PTPRB: variants seen among roughly 807,000 people sequenced by gnomAD.
PTPRB encodes receptor-type tyrosine-protein phosphatase beta.
PTPRB carries 97 observed loss-of-function variants against 238.1 expected under a neutral mutation model. That is an observed-to-expected ratio of 0.41 (90% confidence interval 0.35 to 0.48). The LOEUF is 0.48. Ranked by LOEUF, PTPRB falls within the 20% of genes least tolerant of loss-of-function variation. The pLI is 0.30. For missense variants in PTPRB, 2,292 were observed against 2,681.9 expected (o/e 0.85, Z 3.21); for synonymous variants, 970 against 995.4 (o/e 0.97, Z 0.48).
chr12:70,573,500 CTTTTCTTTT>C (rs1880331239), intron 11 of PTPRB, among the ~76,000 whole-genome samples: 1 of 121,974 alleles, frequency 8.2e-6, no homozygotes, highest in Non-Finnish European at 1.7e-5. Flanking sequence ...TTTTTCTTTT[CTTTTCTTTT>C]TTTTTTTTTT....
At chr12:70,622,778 A>G in intron 2 of PTPRB, 132 bp from the exon 3 acceptor site, 1 of 1,072,010 alleles carries the variant, frequency 9.3e-7, no homozygotes, top group Non-Finnish European at 1.3e-6. Flanking sequence ...TTATATGAAA[A>G]AGCAAATATA....
At chr12:70,558,870 T>C in intron 18 of PTPRB, 1 of 172,156 alleles carries the variant, frequency 5.8e-6, no homozygotes, top group Non-Finnish European at 1.2e-5. Context: ...CTTCTTTCTG[T>C]TCCCCTATTG....
chr12:70,531,922 C>G, intron 32 of PTPRB, 113 bp downstream of exon 32: 1 of 1,240,444 alleles, frequency 8.1e-7, no homozygotes, highest in Non-Finnish European at 1.1e-6. Context: ...CTTTTTTTCT[C>G]TTCCTAATGT....
chr12:70,551,910 G>A (rs1196790010), intron 21 of PTPRB, among the ~76,000 whole-genome samples: 5 of 152,110 alleles, frequency 3.3e-5, no homozygotes, highest in Middle Eastern at 3.2e-3. Context: ...GTTTCCTGGA[G>A]CCAAAGCCAG....
intron 21 of PTPRB, among the ~76,000 whole-genome samples, chr12:70,545,830 G>A (rs188191591): frequency 6.6e-6 from 1 of 152,214 alleles, no homozygotes; most frequent in Non-Finnish European, 1.5e-5. Flanking sequence ...AGAACAGTGG[G>A]ATCATTGATA....
At chr12:70,608,079 T>A (rs1280866824) in intron 4 of PTPRB, among the ~76,000 whole-genome samples, 1 of 152,302 alleles carries the variant, frequency 6.6e-6, no homozygotes, top group Middle Eastern at 3.4e-3. Flanking sequence ...TTCTCACACC[T>A]CTTTGAAGAA....
At position 70,581,058 on chromosome 12, in the gene PTPRB, T is replaced by C. The variant is rs758452730; in HGVS notation, c.2556A>G (p.Gln852=). The change falls in exon 10 of 34, where the codon CAA becomes CAG. Residue 852 remains glutamine (Q), a synonymous_variant. Coordinates refer to ENST00000334414, the MANE Select transcript of PTPRB (RefSeq NM_001109754.4). Reference sequence around the variant, plus strand: ...TACCTGTTCTTCCCTCCACAACCACTTGTCGGGAAGAGATCCCTCCACTCA... The same window carrying C: ...TACCTGTTCTTCCCTCCACAACCACCTGTCGGGAAGAGATCCCTCCACTCA... The part of the protein sequence containing the change: ...TTVSGGISSR[Q]VVVEGRTVPS... 1 of 1,613,938 alleles carries C rather than the reference T, an allele frequency of 6.2e-7. No individual in the cohort carries two copies. The highest frequency in any genetic ancestry group is 2.2e-5 in the East Asian group (1 of 44,884).
intron 4 of PTPRB, among the ~76,000 whole-genome samples, chr12:70,606,622 G>A (rs1883967828): frequency 6.6e-6 from 1 of 152,160 alleles, no homozygotes; most frequent in Non-Finnish European, 1.5e-5. Context: ...GTTTGTCTGA[G>A]TTTGAATATT....
In PTPRB at chr12:70,622,563, C is replaced by G. The variant is rs1416769084; in HGVS notation, c.535G>C (p.Asp179His). The change falls in exon 3 of 34, where the codon GAT (aspartate) becomes CAT (histidine). Residue 179 changes from aspartate (D) to histidine (H), a missense_variant. This residue lies in a region of PTPRB where 1,205 missense variants were observed against 1,287.8 expected (regional missense o/e 0.94). Transcript: ENST00000334414. ...QILTTFNAVP[D>H]GLVFLIRNTT... ...TTCCTAATAAGGAATACCAGGCCAT[C>G]TGGAACTGCATTAAAGGTAGTGAGA... is the stretch of plus-strand genomic sequence containing the variant. The G allele has an allele frequency of 6.2e-7, 1 of 1,602,336 alleles. No homozygotes were observed.
Position 70,539,857 on chromosome 12 carries a change from G to A in PTPRB, c.5679-13C>T. The A allele has an allele frequency of 6.3e-7, 1 of 1,576,496 alleles. No individual in the cohort carries two copies. The highest frequency in any genetic ancestry group is 1.1e-5 in the South Asian group (1 of 90,326). The stretch of plus-strand genomic sequence containing the variant: ...AGTTTTCCGGTTACTGTGAAGAGAA[G>A]CCAAAAGAGGAAGACTTTGTTAGCA... On this transcript the variant is annotated splice_polypyrimidine_tract_variant and intron_variant, in intron 24 of 33. Transcript: ENST00000334414.
Position 70,521,455 on chromosome 12 carries a change from A to G in PTPRB, c.*34T>C. ...TTTTTAAAAACAAATCACACAGTGAATAATTTTTATCCAGGAGCTCTTCAG... is the reference window on the plus strand; with the variant it reads ...TTTTTAAAAACAAATCACACAGTGAGTAATTTTTATCCAGGAGCTCTTCAG... On this transcript the variant is annotated 3_prime_UTR_variant, in exon 34 of 34. Transcript: ENST00000334414. 1.3e-6 allele frequency: 2 copies of G among 1,515,592 alleles called. No homozygotes were observed. The highest frequency in any genetic ancestry group is 1.8e-6 in the Non-Finnish European group (2 of 1,129,132). 93.9% of individuals were successfully genotyped at this position (1,515,592 alleles called of 1,614,324 possible).
rs745923767 is a variant in PTPRB at position 70,594,610 on chromosome 12, C to A, written c.1373G>T (p.Gly458Val). The change falls in exon 6 of 34, where the codon GGG (glycine) becomes GTG (valine). Residue 458 changes from glycine to valine, a missense_variant. Around this residue, in one of 4 missense-constraint regions of PTPRB, gnomAD observed 1,205 missense variants for 1,287.8 expected, o/e 0.94. Transcript: ENST00000334414. ...CACAACACCGCCATGAACTAGGATC[C>A]CTTTATCCATTAGCATCAGCCGGTA... ...ERYRLMLMDKGILVHGGVVDK... is the reference protein window; with the variant it reads ...ERYRLMLMDKVILVHGGVVDK... The A allele has an allele frequency of 8.6e-5, 138 of 1,613,998 alleles. No homozygotes were observed. Among genetic ancestry groups the A allele is most frequent in the East Asian group, 4.7e-4 (21 of 44,872 alleles).
chr12:70,608,773 C>A, intron 4 of PTPRB: 1 of 377,154 alleles, frequency 2.7e-6, no homozygotes, highest in Non-Finnish European at 4.7e-6. Context: ...TAAACCACAT[C>A]ACTTTAAAAA....
chr12:70,576,607 C>A lies in PTPRB; in HGVS notation c.2617G>T (p.Gly873Cys). The A allele has an allele frequency of 1.3e-6, 2 of 1,523,086 alleles. No homozygotes were observed. Among genetic ancestry groups the A allele is most frequent in the Non-Finnish European group, 8.8e-7 (1 of 1,136,704 alleles). The allele number at this position is 1,523,086 out of a possible 1,614,324, so 94.3% of individuals were successfully genotyped here. Residue 873 changes from glycine (G) to cysteine (C), a missense_variant, in exon 11 of 34, where the codon GGT becomes TGT. Gly to Cys is a radical substitution (Grantham distance 159, BLOSUM62 -3). Coordinates refer to ENST00000334414, the MANE Select transcript of PTPRB (RefSeq NM_001109754.4). Reference sequence around the variant, plus strand: ...GAAACGCTGAGGTAGTCATTACGACCGGAATTGTTCACCGTTACTCCACTC... The same window carrying A: ...GAAACGCTGAGGTAGTCATTACGACAGGAATTGTTCACCGTTACTCCACTC... ...SVSGVTVNNS[G>C]RNDYLSVSWL... is the part of the protein sequence containing the mutation.
intron 31 of PTPRB, among the ~76,000 whole-genome samples, chr12:70,534,023 T>G (rs180802541): frequency 1.3e-5 from 2 of 152,256 alleles, no homozygotes; most frequent in Admixed American, 1.3e-4. Flanking sequence ...AAATAAATCT[T>G]GAAGGATAGG....
At position 70,571,233 on chromosome 12, in the gene PTPRB, C is replaced by T. The variant is rs968467237; in HGVS notation, c.3163G>A (p.Val1055Met). 9 of 1,612,098 alleles carry T rather than the reference C, an allele frequency of 5.6e-6. No individual in the cohort carries two copies. Among genetic ancestry groups the T allele is most frequent in the Non-Finnish European group, 6.8e-6 (8 of 1,178,284 alleles). The change falls in exon 13 of 34, where the codon GTG becomes ATG. Residue 1055 changes from valine (V) to methionine (M), a missense_variant. By Grantham distance (21) the Val-to-Met change is conservative. Coordinates refer to ENST00000334414, the MANE Select transcript of PTPRB (RefSeq NM_001109754.4). ...TCCCCATTAGCTCCTGACCAAGTCA[C>T]ATGCAAGTCCTCAGTGCTCCTGTTG... Reference protein sequence around the residue: ...LRNRSTEDLHVTWSGANGDVD... With the variant: ...LRNRSTEDLHMTWSGANGDVD...
At chr12:70,552,749 C>A in intron 21 of PTPRB, 28 bp downstream of exon 21, 1 of 1,611,880 alleles carries the variant, frequency 6.2e-7, no homozygotes, top group Non-Finnish European at 8.5e-7. Flanking sequence ...CATGTCCCTT[C>A]TAGCAAAACA....
intron 21 of PTPRB, among the ~76,000 whole-genome samples, chr12:70,546,924 A>G (rs1410827210): frequency 1.3e-5 from 2 of 152,118 alleles, no homozygotes; most frequent in South Asian, 2.1e-4. Flanking sequence ...CTCTAATTGA[A>G]CTGATGGAGT....
At chr12:70,596,532 A>C (rs1212929942) in intron 4 of PTPRB, among the ~76,000 whole-genome samples, 3 of 151,442 alleles carry the variant, frequency 2.0e-5, no homozygotes, top group South Asian at 2.1e-4. Flanking sequence ...AAAAAAAAAA[A>C]CCCATTTAGC....
Sources: gnomAD v4.1 joint callset for allele counts (sites outside exome capture counted in the v4.1 genomes callset) on GRCh38, gnomAD v4.1.1 for gene constraint, gnomAD v4.1.1 regional missense constraint, MANE v1.5 for transcripts, NCBI Gene and HGNC (gene_info 2026-07-23, HGNC 2026-07-21) for gene names.